Variants in NLRP1 observed in about 807,000 individuals in gnomAD.
NLRP1 encodes NLR family pyrin domain containing 1.
A neutral mutation model predicts 136.7 loss-of-function variants in NLRP1; 94 were observed. The ratio of observed to expected loss-of-function variants is 0.69; its 90% CI spans 0.58 to 0.82. The LOEUF is 0.82. NLRP1 is among the 40% of genes least tolerant of loss of function. The probability of loss-of-function intolerance (pLI) is 0.00; values close to 1 mark genes in which losing one functional copy is unlikely to be tolerated. For missense variants in NLRP1, 1,575 were observed against 1,802.7 expected (o/e 0.87, Z 2.29); for synonymous variants, 690 against 725.1 (o/e 0.95, Z 0.78).
intron 5 of NLRP1, among the ~76,000 whole-genome samples, chr17:5,543,147 C>G (rs746781232): frequency 4.6e-5 from 7 of 152,044 alleles, no homozygotes; most frequent in Non-Finnish European, 1.0e-4. Context: ...CATTACTAGT[C>G]ATATCCCAGT....
intron 3 of NLRP1, among the ~76,000 whole-genome samples, chr17:5,579,553 A>T (rs1905364890): frequency 6.6e-6 from 1 of 152,228 alleles, no homozygotes; most frequent in Non-Finnish European, 1.5e-5. Flanking sequence ...AGAACTCTGA[A>T]CTATCATTCA....
rs1906025355 is a variant in NLRP1, at chr17:5,584,128, G to C, written c.-171C>G. On this transcript the variant is annotated 5_prime_UTR_variant, in exon 1 of 17. Transcript: ENST00000572272. ...CCTACAGATAGACGCCGATAGAGGG[G>C]GAGTGGTAGGAAAAGCCAGGGGAGG... 1 of 661,564 alleles carries C rather than the reference G, an allele frequency of 1.5e-6. No homozygotes were observed. The highest frequency in any genetic ancestry group is 2.5e-6 in the Non-Finnish European group (1 of 394,348). The allele number at this position is 661,564 out of a possible 1,614,324, so 41.0% of individuals were successfully genotyped here.
At chr17:5,558,196 G>A (rs1914306448) in intron 4 of NLRP1, 143 bp downstream of exon 4, 1 of 781,626 alleles carries the variant, frequency 1.3e-6, no homozygotes, top group Non-Finnish European at 2.1e-6. Flanking sequence ...GGTCAGATTG[G>A]GCAGTTAGAA....
chr17:5,538,329 G>C (rs1174465529), intron 7 of NLRP1, among the ~76,000 whole-genome samples: 3 of 150,062 alleles, frequency 2.0e-5, no homozygotes, highest in Non-Finnish European at 4.5e-5. Context: ...TGAGGGCTGG[G>C]GGCTCACTCC....
Position 5,581,980 on chromosome 17 carries a change from G to A in NLRP1, c.531C>T (p.Pro177=). Residue 177 remains proline (P), a synonymous_variant, in exon 3 of 17, where the codon CCC becomes CCT. Transcript: ENST00000572272. ...ESPSQESPNA[P]TSTAVLGSWG... ...AGCTCCCCAGCACTGCTGTGGATGT[G>A]GGGGCGTTGGGTGACTCCTGGCTTG... 2.5e-6 allele frequency: 4 copies of A among 1,613,710 alleles called. No individual in the cohort carries two copies. The highest frequency in any genetic ancestry group is 3.4e-6 in the Non-Finnish European group (4 of 1,179,820).
chr17:5,501,571 C>CT (rs1218293331), exon 16 of NLRP1: 52 of 412,230 alleles, frequency 1.3e-4, no homozygotes, highest in East Asian at 2.1e-4. Context: ...TGCCTTCTTC[C>CT]TTTTTTTTCT....
intron 6 of NLRP1, among the ~76,000 whole-genome samples, chr17:5,540,193 G>A (rs1045649753): frequency 2.6e-5 from 4 of 152,200 alleles, no homozygotes; most frequent in Non-Finnish European, 4.4e-5. Context: ...ATGATGGTAA[G>A]TCCATGTAGT....
chr17:5,532,866 C>T lies in NLRP1; in HGVS notation c.3252G>A (p.Gly1084=). The change falls in exon 11 of 17, where the codon GGG becomes GGA. Residue 1084 remains glycine, a synonymous_variant. Coordinates refer to ENST00000572272, the MANE Select transcript of NLRP1 (RefSeq NM_033004.4). The stretch of plus-strand genomic sequence containing the variant: ...TGTCAACTACCTCAGTAGCCACAGG[C>T]CCCGTGGGGCCCCAGAAGTCATCGT... ...GTDDDFWGPT[G]PVATEVVDKE... is the part of the protein sequence containing the mutation. 6.2e-7 allele frequency: 1 copy of T among 1,612,586 alleles called. No homozygotes were observed. Among genetic ancestry groups the T allele is most frequent in the East Asian group, 2.2e-5 (1 of 44,734 alleles).
chr17:5,511,742 C>T (rs1006834892), downstream of NLRP1, among the ~76,000 whole-genome samples: 1 of 147,922 alleles, frequency 6.8e-6, no homozygotes, highest in Admixed American at 6.8e-5. Context: ...TTCCCTCCCT[C>T]CCTTTCTCTT....
chr17:5,564,043 T>TTAAAATTTAAATTTAAATTTAAATTTAAA (rs1915052079), intron 3 of NLRP1, among the ~76,000 whole-genome samples: 1 of 152,186 alleles, frequency 6.6e-6, no homozygotes, highest in Non-Finnish European at 1.5e-5. Flanking sequence ...TTTTTTAAAA[T>TTAAAATTTAAATTTAAATTTAAATTTAAA]TTTAAAATTA....
chr17:5,513,891 T>C (rs546190349), downstream of NLRP1, among the ~76,000 whole-genome samples: 15 of 152,308 alleles, frequency 9.8e-5, no homozygotes, highest in African/African-American at 3.6e-4. Flanking sequence ...TTTTAATACA[T>C]TAGCATACTA....
At chr17:5,547,171 TG>T (rs1202980206) in intron 5 of NLRP1, among the ~76,000 whole-genome samples, 15 of 152,200 alleles carry the variant, frequency 9.9e-5, no homozygotes, top group South Asian at 2.1e-4. Flanking sequence ...ATAGCATACA[TG>T]GTCCTAAGTA....
chr17:5,507,570 C>A (rs1907406725), intron 15 of NLRP1, among the ~76,000 whole-genome samples: 1 of 152,130 alleles, frequency 6.6e-6, no homozygotes, highest in African/African-American at 2.4e-5. Flanking sequence ...TGGCTCACGC[C>A]TGTAATCCCA....
chr17:5,529,810 T>C (rs1307506327), intron 12 of NLRP1: 1 of 320,910 alleles, frequency 3.1e-6, no homozygotes, highest in East Asian at 8.4e-5. Flanking sequence ...CTTTTTCTGA[T>C]AATTTCAGCA....
intron 12 of NLRP1, among the ~76,000 whole-genome samples, chr17:5,523,382 G>A (rs11656183): frequency 0.059 from 8,956 of 152,188 alleles, 316 homozygotes; most frequent in Middle Eastern, 0.099. Context: ...AGCTGTCTCC[G>A]TATTTTCTGC....
rs1026626332 is a variant in NLRP1, at chr17:5,532,099, T to C, written c.3296+723A>G. Among the ~76,000 whole-genome samples the C allele has an allele frequency of 5.9e-5, 9 of 152,218 alleles. 1 individual carries two copies. In the Middle Eastern group the frequency reaches 0.014, roughly 230 times the overall value. ...TCTCTACTAAAAATACAATTTTCAT[T>C]TTTCACACGTGGTGGCATGTGACTG... On this transcript the variant is annotated intron_variant, in intron 11 of 16. Coordinates refer to ENST00000572272, the MANE Select transcript of NLRP1 (RefSeq NM_033004.4).
At chr17:5,579,828 G>A (rs191570926) in intron 3 of NLRP1, among the ~76,000 whole-genome samples, 7 of 152,132 alleles carry the variant, frequency 4.6e-5, no homozygotes, top group South Asian at 2.1e-4. Flanking sequence ...ATGAAATACC[G>A]CATGTTCTCA....
At chr17:5,578,499 CAT>C (rs1312663752) in intron 3 of NLRP1, among the ~76,000 whole-genome samples, 3 of 152,174 alleles carry the variant, frequency 2.0e-5, no homozygotes, top group African/African-American at 7.2e-5. Context: ...AGCCAACAGA[CAT>C]ATGAAAAAAT....
intron 12 of NLRP1, among the ~76,000 whole-genome samples, chr17:5,528,411 G>C (rs897559536): frequency 1.3e-5 from 2 of 152,106 alleles, no homozygotes; most frequent in Admixed American, 1.3e-4. Context: ...CCTCTATTCT[G>C]TTTTAGTCTG....
Sources: allele counts gnomAD v4.1 joint callset (sites outside exome capture counted in the v4.1 genomes callset), GRCh38; gene constraint gnomAD v4.1.1; transcripts MANE v1.5; gene names NCBI Gene and HGNC (gene_info 2026-07-23, HGNC 2026-07-21).